AGBL4: variants seen among roughly 807,000 people sequenced by gnomAD.
AGBL4 encodes the protein AGBL carboxypeptidase 4.
A neutral mutation model predicts 66.4 loss-of-function variants in AGBL4; 58 were observed. That is an observed-to-expected ratio of 0.87 (90% CI 0.71 to 1.09). The LOEUF is 1.09. Ranked by LOEUF, AGBL4 falls within the 50% of genes least tolerant of loss-of-function variation. AGBL4 has a pLI of 0.00. For synonymous variants in AGBL4, 234 were observed against 222.9 expected (o/e 1.05, Z -0.44); for missense variants, 579 against 631.0 (o/e 0.92, Z 0.88).
At chr1:49,191,489 G>C (rs1262396421) in intron 4 of AGBL4, among the ~76,000 whole-genome samples, 1 of 152,202 alleles carries the variant, frequency 6.6e-6, no homozygotes, top group Non-Finnish European at 1.5e-5. Context: ...CGTTCAGGAA[G>C]TACACGTGCA....
intron 5 of AGBL4, among the ~76,000 whole-genome samples, chr1:48,868,736 T>C (rs6664385): frequency 0.89 from 135,023 of 152,212 alleles, 60,533 homozygotes; most frequent in Non-Finnish European, 0.96. Flanking sequence ...ACCTGCCACG[T>C]GGGCAGGGAC....
At chr1:49,443,258 A>T (rs943792717) in intron 3 of AGBL4, among the ~76,000 whole-genome samples, 3 of 152,078 alleles carry the variant, frequency 2.0e-5, no homozygotes, top group Non-Finnish European at 4.4e-5. Context: ...GTTGTGAAGA[A>T]GCTTTTTAAT....
intron 4 of AGBL4, among the ~76,000 whole-genome samples, chr1:49,159,013 A>G (rs1364956704): frequency 6.7e-6 from 1 of 149,120 alleles, no homozygotes; most frequent in Non-Finnish European, 1.5e-5. Context: ...TTGTCTCTTT[A>G]TCCAATTTGC....
chr1:48,535,722 G>A (rs142651974), intron 12 of AGBL4, among the ~76,000 whole-genome samples: 5 of 152,140 alleles, frequency 3.3e-5, no homozygotes, highest in African/African-American at 1.2e-4. Flanking sequence ...GTCTGTTAAA[G>A]CCAAGTTCAA....
At chr1:49,932,897 T>A (rs1296637351) in intron 1 of AGBL4, among the ~76,000 whole-genome samples, 1 of 151,362 alleles carries the variant, frequency 6.6e-6, no homozygotes, top group African/African-American at 2.4e-5. Flanking sequence ...TTAAAAAGAG[T>A]CAAGGAAGTC....
chr1:49,778,329 T>C (rs2147898618), intron 2 of AGBL4, among the ~76,000 whole-genome samples: 1 of 152,288 alleles, frequency 6.6e-6, no homozygotes, highest in Middle Eastern at 3.4e-3. Flanking sequence ...CCCGCAGCCC[T>C]GATGCAGTAG....
At chr1:49,704,130 C>A (rs1236833593) in intron 2 of AGBL4, among the ~76,000 whole-genome samples, 1 of 152,006 alleles carries the variant, frequency 6.6e-6, no homozygotes, top group African/African-American at 2.4e-5. Context: ...TTCAGAGGAA[C>A]CACAATCAAA....
At chr1:48,593,952 A>G (rs1481365554) in intron 9 of AGBL4, among the ~76,000 whole-genome samples, 1 of 152,196 alleles carries the variant, frequency 6.6e-6, no homozygotes, top group Non-Finnish European at 1.5e-5. Flanking sequence ...GCAATATGTA[A>G]GATTAGTTTT....
intron 2 of AGBL4, among the ~76,000 whole-genome samples, chr1:49,714,569 CATATATAT>C (rs60965691): frequency 7.1e-5 from 10 of 141,830 alleles, no homozygotes; most frequent in African/African-American, 2.2e-4. Flanking sequence ...GTAGTATTTA[CATATATAT>C]ATATATATAT....
chr1:49,546,469 A>G (rs562116165), intron 3 of AGBL4, among the ~76,000 whole-genome samples: 14 of 152,174 alleles, frequency 9.2e-5, no homozygotes, highest in Non-Finnish European at 1.9e-4. Context: ...TGTTGTTATG[A>G]ACATGCGTTT....
At position 48,789,858 on chromosome 1, in the gene AGBL4, A is replaced by G. The variant is rs368423120; in HGVS notation, c.634+77333T>C. Among the ~76,000 whole-genome samples, 126 of 152,306 alleles carry G rather than the reference A, an allele frequency of 8.3e-4. 1 individual carries two copies. In the South Asian group the frequency reaches 0.025, roughly 30 times the overall value. On this transcript the variant is annotated intron_variant, in intron 6 of 13. Transcript: ENST00000371839. ...TCCCAAGCCAACCCGTCTCTGCTGC[A>G]GTGACATTAAAAGATAAAATGTTCA...
chr1:49,747,973 T>TGTGC (rs1232661034), intron 2 of AGBL4, among the ~76,000 whole-genome samples: 14 of 150,412 alleles, frequency 9.3e-5, no homozygotes, highest in Admixed American at 7.9e-4. Flanking sequence ...TGTGTGTGTG[T>TGTGC]GCATGCAGAC....
chr1:49,237,509 A>G (rs1553169717), intron 4 of AGBL4, among the ~76,000 whole-genome samples: 1 of 116,572 alleles, frequency 8.6e-6, no homozygotes, highest in Non-Finnish European at 1.8e-5. Context: ...CCTCAATATT[A>G]CATTATATAT....
rs539933494 is a variant in AGBL4 at position 49,426,225 on chromosome 1, T to G, written c.283-180361A>C. Among the ~76,000 whole-genome samples the G allele has an allele frequency of 3.3e-5, 5 of 152,280 alleles. No individual in the cohort carries two copies. The East Asian group carries it at 9.6e-4, about 29-fold the overall frequency. Reference sequence around the variant, plus strand: ...AGGGGTTAGAAGAAATGAGTAGTGATAAAATGAAAAGTCATTGGCCATGAG... The same window carrying G: ...AGGGGTTAGAAGAAATGAGTAGTGAGAAAATGAAAAGTCATTGGCCATGAG... On this transcript the variant is annotated intron_variant, in intron 3 of 13. Coordinates refer to ENST00000371839, the MANE Select transcript of AGBL4 (RefSeq NM_032785.4).
intron 3 of AGBL4, among the ~76,000 whole-genome samples, chr1:49,563,495 T>G (rs913645123): frequency 6.6e-6 from 1 of 152,172 alleles, no homozygotes; most frequent in Admixed American, 6.6e-5. Flanking sequence ...CAGTACCTAA[T>G]TTATTGAGAG....
At chr1:49,680,472 C>G (rs1646671390) in intron 3 of AGBL4, among the ~76,000 whole-genome samples, 1 of 151,972 alleles carries the variant, frequency 6.6e-6, no homozygotes, top group South Asian at 2.1e-4. Flanking sequence ...TCTCTTCATT[C>G]CTGAAACATA....
chr1:49,295,043 T>A (rs766440596), intron 3 of AGBL4, among the ~76,000 whole-genome samples: 2 of 152,228 alleles, frequency 1.3e-5, no homozygotes. Context: ...AGTGAATCCA[T>A]GAATAAATAA....
intron 5 of AGBL4, among the ~76,000 whole-genome samples, chr1:48,981,332 T>G (rs921675586): frequency 6.6e-6 from 1 of 152,206 alleles, no homozygotes; most frequent in Non-Finnish European, 1.5e-5. Context: ...ACTTTATATA[T>G]GTTCTAAGGA....
intron 3 of AGBL4, among the ~76,000 whole-genome samples, chr1:49,568,165 A>G (rs572446188): frequency 6.6e-6 from 1 of 152,128 alleles, no homozygotes; most frequent in African/African-American, 2.4e-5. Context: ...GAAAAAAAAT[A>G]AAGGGCATCC....
Sources: gnomAD v4.1 joint callset for allele counts (sites outside exome capture counted in the v4.1 genomes callset) on GRCh38, gnomAD v4.1.1 for gene constraint, MANE v1.5 for transcripts, NCBI Gene and HGNC (gene_info 2026-07-23, HGNC 2026-07-21) for gene names.